CNTN5: variants seen among roughly 807,000 people sequenced by gnomAD.
CNTN5 encodes contactin-5.
CNTN5 carries 77 observed loss-of-function variants against 129.1 expected under a neutral mutation model. The ratio of observed to expected loss-of-function variants is 0.60; its 90% CI spans 0.50 to 0.72. CNTN5 has a LOEUF of 0.72. Among genes scored for constraint, CNTN5 ranks in the 30% least tolerant of loss-of-function variants. CNTN5 has a pLI of 0.00. For synonymous variants in CNTN5, 509 were observed against 465.6 expected (o/e 1.09, Z -1.20); for missense variants, 1,478 against 1,328.8 (o/e 1.11, Z -1.75).
chr11:100,077,593 C>A (rs966329109), intron 13 of CNTN5, among the ~76,000 whole-genome samples: 1 of 151,752 alleles, frequency 6.6e-6, no homozygotes, highest in Admixed American at 6.6e-5. Flanking sequence ...GGCCAAGATG[C>A]GAGGATCACT....
chr11:99,514,083 A>C (rs555624887), intron 2 of CNTN5, among the ~76,000 whole-genome samples: 1 of 152,132 alleles, frequency 6.6e-6, no homozygotes, highest in Admixed American at 6.6e-5. Flanking sequence ...AAAGATGTCA[A>C]TTTTAACCCT....
At chr11:99,383,643 A>G (rs1184669705) in intron 2 of CNTN5, among the ~76,000 whole-genome samples, 2 of 151,434 alleles carry the variant, frequency 1.3e-5, no homozygotes, top group African/African-American at 4.9e-5. Flanking sequence ...TATAGAAATT[A>G]TGTTTGTATT....
chr11:99,593,338 A>T (rs570277623), intron 3 of CNTN5, among the ~76,000 whole-genome samples: 1 of 152,332 alleles, frequency 6.6e-6, no homozygotes, highest in African/African-American at 2.4e-5. Context: ...AACAAGGCAC[A>T]TAAGACATAA....
At chr11:99,528,491 T>C (rs1373441509) in intron 2 of CNTN5, among the ~76,000 whole-genome samples, 2 of 152,194 alleles carry the variant, frequency 1.3e-5, no homozygotes, top group Admixed American at 1.3e-4. Flanking sequence ...ACCTGAGATT[T>C]TTGACAAGAT....
intron 4 of CNTN5, among the ~76,000 whole-genome samples, chr11:99,836,735 T>G (rs925980565): frequency 6.6e-6 from 1 of 152,204 alleles, no homozygotes; most frequent in Admixed American, 6.5e-5. Flanking sequence ...TCCACAATGG[T>G]TGAACTAGTT....
At chr11:99,047,165 G>A (rs1864245753) in intron 1 of CNTN5, among the ~76,000 whole-genome samples, 1 of 151,892 alleles carries the variant, frequency 6.6e-6, no homozygotes, top group Non-Finnish European at 1.5e-5. Context: ...AGAAGAATAT[G>A]AGTAAATATC....
At chr11:99,292,770 T>C (rs746301166) in intron 1 of CNTN5, among the ~76,000 whole-genome samples, 5 of 152,180 alleles carry the variant, frequency 3.3e-5, no homozygotes, top group Non-Finnish European at 5.9e-5. Flanking sequence ...CCCAGCTCTC[T>C]GGACTTAATC....
intron 3 of CNTN5, among the ~76,000 whole-genome samples, chr11:99,661,541 A>G (rs919245058): frequency 6.6e-6 from 1 of 152,058 alleles, no homozygotes; most frequent in Non-Finnish European, 1.5e-5. Context: ...CTATATGTGT[A>G]TATGCATATA....
chr11:100,150,203 A>C (rs1005794813), intron 13 of CNTN5, among the ~76,000 whole-genome samples: 2 of 152,166 alleles, frequency 1.3e-5, no homozygotes, highest in African/African-American at 4.8e-5. Context: ...TCTCAATTAA[A>C]TATATTATGA....
intron 13 of CNTN5, among the ~76,000 whole-genome samples, chr11:100,097,018 C>A: frequency 6.6e-6 from 1 of 152,122 alleles, no homozygotes; most frequent in Admixed American, 6.5e-5. Flanking sequence ...TTTCTTAAAA[C>A]CACGCTGTGT....
At chr11:100,108,512 A>G (rs1377411453) in intron 13 of CNTN5, among the ~76,000 whole-genome samples, 1 of 152,172 alleles carries the variant, frequency 6.6e-6, no homozygotes, top group Non-Finnish European at 1.5e-5. Flanking sequence ...ATAAATCTAT[A>G]TAATATTTCA....
chr11:99,672,196 G>C (rs10790881), intron 3 of CNTN5, among the ~76,000 whole-genome samples: 42,142 of 151,972 alleles, frequency 0.28, 5,947 homozygotes, highest in South Asian at 0.4. Flanking sequence ...GCCCATGACA[G>C]CTGTCTGTGG....
At chr11:99,714,717 C>T (rs530817688) in intron 3 of CNTN5, among the ~76,000 whole-genome samples, 1 of 151,976 alleles carries the variant, frequency 6.6e-6, no homozygotes, top group African/African-American at 2.4e-5. Flanking sequence ...AAGCCAAGTA[C>T]CTTTTAATTT....
rs1188812155 is a variant in CNTN5 at position 100,068,212 on chromosome 11, A to G, written c.1163-2212A>G. On this transcript the variant is annotated intron_variant, in intron 10 of 24. Coordinates refer to ENST00000524871, the MANE Select transcript of CNTN5 (RefSeq NM_014361.4). ...TCTTAATGATCTCACTGTCTAGCTG[A>G]GTGTCAAATTCTAACCAACTAAAAT... Among the ~76,000 whole-genome samples, 5 of 152,266 alleles carry G rather than the reference A, an allele frequency of 3.3e-5. No individual in the cohort carries two copies. The East Asian group carries it at 5.8e-4, about 18-fold the overall frequency.
At chr11:99,253,980 C>G (rs1862248505) in intron 1 of CNTN5, among the ~76,000 whole-genome samples, 1 of 149,246 alleles carries the variant, frequency 6.7e-6, no homozygotes. Flanking sequence ...ACATGCTCAT[C>G]ATATATTGTG....
chr11:99,503,084 G>T (rs1946485781), intron 2 of CNTN5, among the ~76,000 whole-genome samples: 1 of 152,020 alleles, frequency 6.6e-6, no homozygotes, highest in African/African-American at 2.4e-5. Flanking sequence ...GCACTTTTAA[G>T]TCCTTTTTAA....
chr11:100,001,601 C>G (rs566911630), intron 8 of CNTN5, among the ~76,000 whole-genome samples: 1 of 152,122 alleles, frequency 6.6e-6, no homozygotes, highest in Non-Finnish European at 1.5e-5. Context: ...ACTGATTAAT[C>G]TTTTGTTACT....
chr11:99,326,324 T>C (rs1865786571), intron 2 of CNTN5, among the ~76,000 whole-genome samples: 1 of 152,202 alleles, frequency 6.6e-6, no homozygotes, highest in African/African-American at 2.4e-5. Context: ...TCTGCTTATT[T>C]ATAAAATGTT....
At chr11:99,740,521 A>G (rs1312646422) in intron 3 of CNTN5, among the ~76,000 whole-genome samples, 1 of 152,158 alleles carries the variant, frequency 6.6e-6, no homozygotes, top group South Asian at 2.1e-4. Context: ...AAATGTGGAG[A>G]GACTGTGTGT....
Sources: gnomAD v4.1 joint callset for allele counts (sites outside exome capture counted in the v4.1 genomes callset) on GRCh38, gnomAD v4.1.1 for gene constraint, MANE v1.5 for transcripts, NCBI Gene and HGNC (gene_info 2026-07-23, HGNC 2026-07-21) for gene names.